Variants in MALRD1 observed in about 807,000 individuals in gnomAD.
MALRD1 encodes the protein MAM and LDL receptor class A domain containing 1.
Under a neutral mutation model 242.1 loss-of-function variants are expected in MALRD1, and 247 were observed. That is an observed-to-expected ratio of 1.02 (90% CI 0.92 to 1.13). The LOEUF is 1.13. Ranked by LOEUF, MALRD1 falls within the 50% of genes most tolerant of loss-of-function variation. The probability of loss-of-function intolerance (pLI) is 0.00; values close to 1 mark genes in which losing one functional copy is unlikely to be tolerated. For missense variants in MALRD1, 2,989 were observed against 2,533.1 expected (o/e 1.18, Z -3.86); for synonymous variants, 995 against 866.6 (o/e 1.15, Z -2.60).
In MALRD1 at chr10:19,702,326, A is replaced by G. The variant is rs545696445; in HGVS notation, c.6314+9772A>G. Among the ~76,000 whole-genome samples the G allele has an allele frequency of 3.3e-5, 5 of 152,314 alleles. No individual in the cohort carries two copies. The South Asian group carries it at 1.0e-3, about 32-fold the overall frequency. ...AAAAGTCTCACTATTCCCAAAAAGC[A>G]TATGACTATTCATGCCCTCTGCCTG... On this transcript the variant is annotated intron_variant, in intron 38 of 39. Transcript: ENST00000454679.
intron 32 of MALRD1, among the ~76,000 whole-genome samples, chr10:19,531,837 C>A (rs1467397521): frequency 6.6e-6 from 1 of 152,146 alleles, no homozygotes; most frequent in African/African-American, 2.4e-5. Flanking sequence ...AATGCAGATA[C>A]CTTTAATGAA....
rs1164267774 is a variant in MALRD1, at chr10:19,686,076, GAAGA to G, written c.6138-6201_6138-6198del. Reference sequence around the variant, plus strand: ...AGCAACCTCCATTCTTGCCTTCTCAGAAGAAAGAGTTCCACCGAGGGGCATAAGA... The same window carrying G: ...AGCAACCTCCATTCTTGCCTTCTCAGAAGAGTTCCACCGAGGGGCATAAGA... On this transcript the variant is annotated intron_variant, in intron 36 of 39. Coordinates refer to ENST00000454679, the MANE Select transcript of MALRD1 (RefSeq NM_001142308.3). Among the ~76,000 whole-genome samples the G allele has an allele frequency of 2.6e-5, 4 of 152,210 alleles. No homozygotes were observed. The East Asian group carries it at 7.8e-4, about 30-fold the overall frequency.
At chr10:19,546,822 G>A (rs1306255958) in intron 32 of MALRD1, among the ~76,000 whole-genome samples, 1 of 152,158 alleles carries the variant, frequency 6.6e-6, no homozygotes. Context: ...TTATGTCAGT[G>A]TTTTTCCTGT....
intron 23 of MALRD1, among the ~76,000 whole-genome samples, chr10:19,331,148 T>C (rs953736684): frequency 6.6e-6 from 1 of 152,124 alleles, no homozygotes; most frequent in Non-Finnish European, 1.5e-5. Flanking sequence ...GCCAGTGGTG[T>C]TGCCACTCCC....
intron 36 of MALRD1, among the ~76,000 whole-genome samples, chr10:19,661,436 C>T (rs1371877636): frequency 3.9e-5 from 6 of 152,200 alleles, no homozygotes; most frequent in East Asian, 3.9e-4. Context: ...ACATATACAC[C>T]GTGGAATACT....
intron 26 of MALRD1, among the ~76,000 whole-genome samples, chr10:19,384,588 A>G (rs1255552470): frequency 7.9e-6 from 1 of 126,430 alleles, no homozygotes. Flanking sequence ...TATTTACTAT[A>G]TATTATATAA....
chr10:19,349,670 T>C (rs1321793878), intron 25 of MALRD1, among the ~76,000 whole-genome samples: 1 of 152,192 alleles, frequency 6.6e-6, no homozygotes, highest in Non-Finnish European at 1.5e-5. Flanking sequence ...GCACACCAGA[T>C]TTTCTCTATG....
At chr10:19,084,567 G>A (rs1330099633) in intron 2 of MALRD1, among the ~76,000 whole-genome samples, 3 of 151,884 alleles carry the variant, frequency 2.0e-5, no homozygotes, top group African/African-American at 4.8e-5. Context: ...CTCTCAGAAC[G>A]TGGGAAATGG....
At chr10:19,088,526 CTCTT>C (rs1174240648) in intron 4 of MALRD1, among the ~76,000 whole-genome samples, 2 of 128,494 alleles carry the variant, frequency 1.6e-5, no homozygotes, top group Admixed American at 7.6e-5. Context: ...CTCCAACTTC[CTCTT>C]TCTTTCTTTT....
At chr10:19,356,699 A>T (rs1844651915) in intron 26 of MALRD1, among the ~76,000 whole-genome samples, 1 of 152,208 alleles carries the variant, frequency 6.6e-6, no homozygotes, top group African/African-American at 2.4e-5. Flanking sequence ...CAAAGGAGAT[A>T]AAATCAGCAC....
At chr10:19,328,717 T>C (rs1843239226) in intron 23 of MALRD1, among the ~76,000 whole-genome samples, 1 of 152,164 alleles carries the variant, frequency 6.6e-6, no homozygotes, top group African/African-American at 2.4e-5. Context: ...CTTTTGCCTC[T>C]CTCTGGAATC....
intron 1 of MALRD1, 86 bp from the exon 2 acceptor site, chr10:19,066,633 T>G (rs1834988294): frequency 6.8e-6 from 7 of 1,023,150 alleles, no homozygotes; most frequent in Non-Finnish European, 8.8e-6. Flanking sequence ...TGTCATTTGT[T>G]GCTAAACTTT....
At chr10:19,699,835 G>C (rs575989688) in intron 38 of MALRD1, among the ~76,000 whole-genome samples, 24 of 152,070 alleles carry the variant, frequency 1.6e-4, no homozygotes, top group African/African-American at 5.5e-4. Context: ...ACTACAGTAA[G>C]AACAGCACCA....
In MALRD1 at chr10:19,088,059, C is replaced by T. The variant is rs1835735463; in HGVS notation, c.471C>T (p.Gly157=). ...TFYYFSCQVS[G]KLMVGLQTAC... is the part of the protein sequence containing the mutation. ...ATTACTTCTCCTGCCAAGTGAGTGGCAAATTAATGGTTGGGCTTCAAACTG... is the reference window on the plus strand; with the variant it reads ...ATTACTTCTCCTGCCAAGTGAGTGGTAAATTAATGGTTGGGCTTCAAACTG... The change falls in exon 4 of 40, where the codon GGC becomes GGT. Residue 157 remains glycine (G), a synonymous_variant. Coordinates refer to ENST00000454679, the MANE Select transcript of MALRD1 (RefSeq NM_001142308.3). 4 of 1,233,482 alleles carry T rather than the reference C, an allele frequency of 3.2e-6. No homozygotes were observed. In the African/African-American group the frequency reaches 6.2e-5, roughly 19 times the overall value. 76.4% of individuals were successfully genotyped at this position (1,233,482 alleles called of 1,614,324 possible).
chr10:19,491,092 A>T (rs968364525), intron 29 of MALRD1: 1 of 293,432 alleles, frequency 3.4e-6, no homozygotes, highest in Admixed American at 4.3e-5. Flanking sequence ...ATATCATTAA[A>T]ATTAGTGTCT....
intron 19 of MALRD1, among the ~76,000 whole-genome samples, chr10:19,262,344 C>G (rs1564511797): frequency 7.9e-6 from 1 of 126,734 alleles, no homozygotes; most frequent in Non-Finnish European, 1.7e-5. Context: ...AGTTACCCCT[C>G]CTCTGTGTGT....
chr10:19,384,431 T>A (rs1265462164), intron 26 of MALRD1, among the ~76,000 whole-genome samples: 1 of 117,676 alleles, frequency 8.5e-6, no homozygotes, highest in South Asian at 2.2e-4. Flanking sequence ...ATTTACCATA[T>A]ATTATATATT....
chr10:19,194,256 G>A (rs10827042), intron 14 of MALRD1, among the ~76,000 whole-genome samples: 25,463 of 151,980 alleles, frequency 0.17, 2,305 homozygotes, highest in Non-Finnish European at 0.2. Flanking sequence ...GAAAATAAAC[G>A]TAGGTTATTT....
intron 34 of MALRD1, among the ~76,000 whole-genome samples, chr10:19,606,116 A>G (rs1016114741): frequency 1.1e-4 from 16 of 152,138 alleles, no homozygotes; most frequent in African/African-American, 3.4e-4. Flanking sequence ...AATTGTGTCA[A>G]TTACCTATGA....
Sources: allele counts gnomAD v4.1 joint callset (sites outside exome capture counted in the v4.1 genomes callset), GRCh38; gene constraint gnomAD v4.1.1; transcripts MANE v1.5; gene names NCBI Gene and HGNC (gene_info 2026-07-23, HGNC 2026-07-21).